The following CACNA2D3 variants were observed in gnomAD, a reference collection of about 807,000 sequenced individuals.
The protein encoded by CACNA2D3 is calcium voltage-gated channel auxiliary subunit alpha2delta 3.
A neutral mutation model predicts 160.6 loss-of-function variants in CACNA2D3; 60 were observed. The observed-to-expected ratio is 0.37, with a 90% CI of 0.30 to 0.46. CACNA2D3 has a LOEUF of 0.46. Ranked by LOEUF, CACNA2D3 falls within the 20% of genes least tolerant of loss-of-function variation. The pLI, the probability that CACNA2D3 is intolerant of heterozygous loss-of-function variation, is 1.00. For synonymous variants in CACNA2D3, 558 were observed against 492.9 expected, an observed-to-expected ratio of 1.13 and a Z score of -1.75; for missense variants, 1,205 against 1,365.0, an observed-to-expected ratio of 0.88 and a Z score of 1.85.
chr3:54,511,398 A>G (rs1419884679), intron 5 of CACNA2D3, among the ~76,000 whole-genome samples: 1 of 152,126 alleles, frequency 6.6e-6, no homozygotes, highest in African/African-American at 2.4e-5. Context: ...TGGAATAGAA[A>G]TGCGCTTCTA....
chr3:54,256,486 A>G (rs1426548798), intron 2 of CACNA2D3, among the ~76,000 whole-genome samples: 2 of 152,208 alleles, frequency 1.3e-5, no homozygotes, highest in African/African-American at 4.8e-5. Context: ...TGTCCTGGAT[A>G]TGGCAGACCC....
intron 35 of CACNA2D3, among the ~76,000 whole-genome samples, chr3:55,027,226 C>T (rs958041345): frequency 3.3e-5 from 5 of 152,150 alleles, no homozygotes; most frequent in African/African-American, 1.2e-4. Context: ...TAAACAGTTT[C>T]GTTGAGTGCT....
intron 35 of CACNA2D3, among the ~76,000 whole-genome samples, chr3:55,033,770 A>G (rs1703738505): frequency 7.4e-6 from 1 of 135,104 alleles, no homozygotes; most frequent in Non-Finnish European, 1.6e-5. Context: ...TATATTATAT[A>G]ATATGTATTA....
chr3:54,292,717 G>A (rs1003018785), intron 2 of CACNA2D3, among the ~76,000 whole-genome samples: 2 of 152,330 alleles, frequency 1.3e-5, no homozygotes, highest in African/African-American at 2.4e-5. Context: ...ACCCTCATAT[G>A]TTGTTGGTGT....
intron 13 of CACNA2D3, among the ~76,000 whole-genome samples, chr3:54,777,641 A>C (rs1702448827): frequency 6.6e-6 from 1 of 152,186 alleles, no homozygotes; most frequent in Admixed American, 6.5e-5. Context: ...TGATCAAATT[A>C]AAGGCAGCCC....
At chr3:54,755,025 A>G (rs895058587) in intron 12 of CACNA2D3, among the ~76,000 whole-genome samples, 1 of 152,178 alleles carries the variant, frequency 6.6e-6, no homozygotes, top group African/African-American at 2.4e-5. Context: ...TTCCTTGTAG[A>G]TAGACCTTCC....
At chr3:54,643,773 G>T (rs1358047799) in intron 11 of CACNA2D3, among the ~76,000 whole-genome samples, 1 of 152,200 alleles carries the variant, frequency 6.6e-6, no homozygotes, top group Non-Finnish European at 1.5e-5. Flanking sequence ...GCGTCTGGCA[G>T]GGCCTAATGC....
chr3:55,005,937 G>T (rs533255808), intron 32 of CACNA2D3, among the ~76,000 whole-genome samples: 7 of 152,194 alleles, frequency 4.6e-5, no homozygotes, highest in Non-Finnish European at 8.8e-5. Context: ...CTAATTTGCA[G>T]ATGTAAGATG....
intron 2 of CACNA2D3, among the ~76,000 whole-genome samples, chr3:54,153,114 G>A (rs925416978): frequency 2.0e-5 from 3 of 152,328 alleles, no homozygotes; most frequent in East Asian, 1.9e-4. Flanking sequence ...AATGTGCAGG[G>A]CACAGGGTAT....
At chr3:54,646,143 CTT>C (rs1238827195) in intron 11 of CACNA2D3, among the ~76,000 whole-genome samples, 377 of 25,310 alleles carry the variant, frequency 0.015, 58 homozygotes, top group Non-Finnish European at 0.039. Flanking sequence ...TCCTTCCTTC[CTT>C]CCTTCCCTCC....
At chr3:54,896,936 G>A in intron 26 of CACNA2D3, 66 bp downstream of exon 26, 2 of 1,602,370 alleles carry the variant, frequency 1.2e-6, no homozygotes, top group East Asian at 4.5e-5. Context: ...TTGTGTGCAG[G>A]GTGTTGGGGA....
At chr3:54,758,140 T>TG (rs1702009575) in intron 12 of CACNA2D3, among the ~76,000 whole-genome samples, 1 of 152,134 alleles carries the variant, frequency 6.6e-6, no homozygotes, top group Non-Finnish European at 1.5e-5. Flanking sequence ...GTTTCAGAGT[T>TG]GGGGACATTA....
intron 30 of CACNA2D3, among the ~76,000 whole-genome samples, chr3:54,985,407 A>C (rs1009410969): frequency 1.3e-5 from 2 of 152,222 alleles, no homozygotes; most frequent in Non-Finnish European, 2.9e-5. Context: ...CTGCAATTAG[A>C]AATTACATTA....
intron 2 of CACNA2D3, among the ~76,000 whole-genome samples, chr3:54,205,658 C>T (rs4927991): frequency 0.43 from 65,267 of 151,980 alleles, 16,940 homozygotes; most frequent in East Asian, 0.76. Context: ...GCCATATTAA[C>T]ATTCTTGATA....
intron 2 of CACNA2D3, among the ~76,000 whole-genome samples, chr3:54,222,583 CAAATA>C (rs1300618493): frequency 6.6e-6 from 1 of 152,176 alleles, no homozygotes; most frequent in East Asian, 1.9e-4. Flanking sequence ...GTCAAGTTGA[CAAATA>C]AAACTAAACA....
In CACNA2D3 at chr3:54,507,133, A is replaced by G. The variant is rs370671475; in HGVS notation, c.544+3479A>G. 3.3e-5 allele frequency among the ~76,000 whole-genome samples: 5 copies of G among 152,120 alleles called. No individual in the cohort carries two copies. In the East Asian group the frequency reaches 5.8e-4, roughly 18 times the overall value. Reference sequence around the variant, plus strand: ...TGTGAAAGAAAATGCTGTGCTCTCAACCTATTCCTTCATTTCCATTTTCCA... The same window carrying G: ...TGTGAAAGAAAATGCTGTGCTCTCAGCCTATTCCTTCATTTCCATTTTCCA... On this transcript the variant is annotated intron_variant, in intron 5 of 37. Coordinates refer to ENST00000474759, the MANE Select transcript of CACNA2D3 (RefSeq NM_018398.3).
chr3:54,691,908 C>A (rs1235095364), intron 11 of CACNA2D3, among the ~76,000 whole-genome samples: 1 of 152,022 alleles, frequency 6.6e-6, no homozygotes, highest in East Asian at 1.9e-4. Context: ...TGTGAATAGC[C>A]CTCAAGTTGT....
intron 3 of CACNA2D3, among the ~76,000 whole-genome samples, chr3:54,342,234 A>C (rs968497007): frequency 2.0e-5 from 3 of 152,198 alleles, no homozygotes; most frequent in African/African-American, 7.2e-5. Flanking sequence ...CCACTTATCC[A>C]CTGGACATTT....
intron 4 of CACNA2D3, among the ~76,000 whole-genome samples, chr3:54,476,075 A>G (rs1372931967): frequency 1.1e-3 from 161 of 141,198 alleles, no homozygotes; most frequent in Non-Finnish European, 3.3e-4. Flanking sequence ...GATTTCACAT[A>G]TAAGTGAGAT....
Sources: gnomAD v4.1 joint callset for allele counts (sites outside exome capture counted in the v4.1 genomes callset) on GRCh38, gnomAD v4.1.1 for gene constraint, MANE v1.5 for transcripts, NCBI Gene and HGNC (gene_info 2026-07-23, HGNC 2026-07-21) for gene names.